Variants in KCND2 observed in about 807,000 individuals in gnomAD.
The protein encoded by KCND2 is potassium voltage-gated channel subfamily D member 2, also known as A-type voltage-gated potassium channel KCND2.
In KCND2, 16 loss-of-function variants were observed where a neutral mutation model predicts 54.4. The ratio of observed to expected loss-of-function variants is 0.29; its 90% confidence interval spans 0.20 to 0.45. The LOEUF is 0.45. Ranked by LOEUF, KCND2 falls within the 20% of genes least tolerant of loss-of-function variation. The pLI is 1.00. For synonymous variants in KCND2, 317 were observed against 310.7 expected, an observed-to-expected ratio of 1.02 and a Z score of -0.21; for missense variants, 486 against 824.2, an observed-to-expected ratio of 0.59 and a Z score of 5.02.
chr7:120,589,091 G>A (rs1792638224), intron 1 of KCND2, among the ~76,000 whole-genome samples: 1 of 152,160 alleles, frequency 6.6e-6, no homozygotes, highest in South Asian at 2.1e-4. Flanking sequence ...TAAATTTGGA[G>A]CTAACACACG....
chr7:120,534,074 G>A (rs1192906112), intron 1 of KCND2, among the ~76,000 whole-genome samples: 1 of 152,006 alleles, frequency 6.6e-6, no homozygotes, highest in Non-Finnish European at 1.5e-5. Context: ...ATCTACACAG[G>A]GCATGTTTAA....
At chr7:120,722,745 T>C (rs921229304) in intron 1 of KCND2, among the ~76,000 whole-genome samples, 2 of 151,970 alleles carry the variant, frequency 1.3e-5, no homozygotes, top group Non-Finnish European at 2.9e-5. Flanking sequence ...GGGAAAAAAA[T>C]TTCAAATTAA....
intron 1 of KCND2, among the ~76,000 whole-genome samples, chr7:120,641,505 G>A (rs562437970): frequency 7.2e-5 from 11 of 152,144 alleles, no homozygotes; most frequent in African/African-American, 2.7e-4. Context: ...CTTCCCTCTG[G>A]GTACCTAGCT....
At chr7:120,347,757 CAA>C (rs796126641) in intron 1 of KCND2, among the ~76,000 whole-genome samples, 22 of 113,308 alleles carry the variant, frequency 1.9e-4, no homozygotes, top group African/African-American at 1.9e-4. Flanking sequence ...AACTCTGTCT[CAA>C]AAAAAAAAAA....
intron 1 of KCND2, among the ~76,000 whole-genome samples, chr7:120,568,759 C>A (rs940880388): frequency 1.3e-5 from 2 of 152,024 alleles, no homozygotes; most frequent in African/African-American, 4.8e-5. Context: ...GAAGGTGGTA[C>A]TTCATAGGGT....
At chr7:120,670,683 G>A (rs1273425026) in intron 1 of KCND2, among the ~76,000 whole-genome samples, 3 of 152,002 alleles carry the variant, frequency 2.0e-5, no homozygotes, top group Admixed American at 6.5e-5. Flanking sequence ...TTAGGAGGCC[G>A]AGGTGGGTGG....
At chr7:120,411,226 G>C (rs551701630) in intron 1 of KCND2, among the ~76,000 whole-genome samples, 6 of 151,682 alleles carry the variant, frequency 4.0e-5, no homozygotes, top group African/African-American at 7.3e-5. Flanking sequence ...ACCATAAGTG[G>C]TGTTTTTTAA....
chr7:120,287,156 T>G (rs1237340943), intron 1 of KCND2, among the ~76,000 whole-genome samples: 1 of 152,216 alleles, frequency 6.6e-6, no homozygotes, highest in East Asian at 1.9e-4. Context: ...TCACAAAATA[T>G]TTAGAAATAT....
intron 1 of KCND2, among the ~76,000 whole-genome samples, chr7:120,715,055 C>G (rs1353517986): frequency 6.6e-6 from 1 of 151,980 alleles, no homozygotes; most frequent in African/African-American, 2.4e-5. Flanking sequence ...CTTCCCTTGG[C>G]ATTCACCTTC....
chr7:120,634,383 T>C (rs986296701), intron 1 of KCND2, among the ~76,000 whole-genome samples: 2 of 152,156 alleles, frequency 1.3e-5, no homozygotes, highest in Non-Finnish European at 2.9e-5. Context: ...TTACTTGTCA[T>C]CCCTACTTGA....
chr7:120,418,718 A>G (rs1801564322), intron 1 of KCND2, among the ~76,000 whole-genome samples: 1 of 152,154 alleles, frequency 6.6e-6, no homozygotes, highest in South Asian at 2.1e-4. Context: ...CAATTAAGCA[A>G]GGAGCAACAT....
chr7:120,613,526 A>G (rs554841479), intron 1 of KCND2, among the ~76,000 whole-genome samples: 5 of 152,270 alleles, frequency 3.3e-5, no homozygotes, highest in African/African-American at 9.6e-5. Flanking sequence ...GCGAGACTCC[A>G]TCTTGGGGGG....
chr7:120,283,641 T>C (rs572728998), intron 1 of KCND2, among the ~76,000 whole-genome samples: 13 of 152,260 alleles, frequency 8.5e-5, no homozygotes, highest in South Asian at 2.1e-4. Context: ...AGGCTAGTGC[T>C]CAGTGGATAT....
chr7:120,278,468 A>G (rs1799212315), intron 1 of KCND2, among the ~76,000 whole-genome samples: 1 of 151,562 alleles, frequency 6.6e-6, no homozygotes, highest in Non-Finnish European at 1.5e-5. Context: ...TAGTGATAAT[A>G]GAAGTGAAAA....
intron 1 of KCND2, among the ~76,000 whole-genome samples, chr7:120,539,476 A>G (rs1451249543): frequency 2.0e-5 from 3 of 152,188 alleles, no homozygotes; most frequent in Non-Finnish European, 4.4e-5. Flanking sequence ...AGTGCTCACA[A>G]GGCATCAGAG....
chr7:120,296,398 A>G (rs1157397050), intron 1 of KCND2, among the ~76,000 whole-genome samples: 1 of 152,094 alleles, frequency 6.6e-6, no homozygotes, highest in African/African-American at 2.4e-5. Flanking sequence ...GAGAGGAAAT[A>G]CCTATTTCAA....
chr7:120,738,194 G>A (rs1459207279), intron 2 of KCND2, among the ~76,000 whole-genome samples: 1 of 152,026 alleles, frequency 6.6e-6, no homozygotes, highest in Non-Finnish European at 1.5e-5. Context: ...ATATATCCCT[G>A]TTCTTCTCAC....
chr7:120,547,835 T>C (rs1313591293), intron 1 of KCND2, among the ~76,000 whole-genome samples: 1 of 152,008 alleles, frequency 6.6e-6, no homozygotes, highest in Admixed American at 6.6e-5. Context: ...AGTAATATCT[T>C]AAGAACGTGA....
intron 1 of KCND2, among the ~76,000 whole-genome samples, chr7:120,389,507 C>T (rs903023981): frequency 6.6e-6 from 1 of 151,472 alleles, no homozygotes; most frequent in Non-Finnish European, 1.5e-5. Flanking sequence ...TTCCCTTTGA[C>T]CTCCATCTTC....
Sources: allele counts gnomAD v4.1 joint callset (sites outside exome capture counted in the v4.1 genomes callset), GRCh38; gene constraint gnomAD v4.1.1; transcripts MANE v1.5; gene names NCBI Gene and HGNC (gene_info 2026-07-23, HGNC 2026-07-21).